The following FREM3 variants were observed in gnomAD, a reference collection of about 807,000 sequenced individuals.
FREM3 encodes FRAS1 related extracellular matrix 3.
Under a neutral mutation model 129.1 loss-of-function variants are expected in FREM3, and 105 were observed. The ratio of observed to expected loss-of-function variants is 0.81; its 90% CI spans 0.69 to 0.96. FREM3 has a LOEUF of 0.96. Ranked by LOEUF, FREM3 falls within the 40% of genes least tolerant of loss-of-function variation. The pLI is 0.00. For missense variants in FREM3, 2,593 were observed against 2,666.3 expected (o/e 0.97, Z 0.61); for synonymous variants, 1,014 against 1,044.9 (o/e 0.97, Z 0.57).
intron 2 of FREM3, among the ~76,000 whole-genome samples, chr4:143,679,478 A>G (rs185717315): frequency 1.3e-3 from 201 of 152,256 alleles, no homozygotes; most frequent in Non-Finnish European, 2.4e-3. Context: ...AATAGAAAAT[A>G]TTTTTCTCAT....
chr4:143,649,089 A>G (rs1192632080), intron 2 of FREM3: 1 of 152,170 alleles, frequency 6.6e-6, no homozygotes, highest in African/African-American at 2.4e-5. Flanking sequence ...CTGAAATTCC[A>G]TGGCTTAAAA....
intron 2 of FREM3, among the ~76,000 whole-genome samples, chr4:143,663,200 A>G (rs1211359711): frequency 6.6e-6 from 1 of 152,046 alleles, no homozygotes; most frequent in African/African-American, 2.4e-5. Flanking sequence ...ACATTTTGGC[A>G]TGATTTTGCA....
At chr4:143,657,851 C>T (rs985471739) in intron 2 of FREM3, among the ~76,000 whole-genome samples, 1 of 152,108 alleles carries the variant, frequency 6.6e-6, no homozygotes, top group Non-Finnish European at 1.5e-5. Flanking sequence ...CCAAGCTAAA[C>T]TCATTATTCT....
chr4:143,621,044 T>G lies in FREM3; in HGVS notation c.5772A>C (p.Thr1924=). 1 of 1,537,400 alleles carries G rather than the reference T, an allele frequency of 6.5e-7. No homozygotes were observed. Among genetic ancestry groups the G allele is most frequent in the South Asian group, 1.2e-5 (1 of 84,060 alleles). Residue 1924 remains threonine, a synonymous_variant, in exon 5 of 8, where the codon ACA becomes ACC. Transcript: ENST00000329798. ...ASQELIVICS[T]RQGSATGTIS... ...CCCCACAGAGCCTCATACCTTGACGTGTGGAGCAAATGACGATTAGTTCCT... is the reference window on the plus strand; with the variant it reads ...CCCCACAGAGCCTCATACCTTGACGGGTGGAGCAAATGACGATTAGTTCCT...
chr4:143,693,343 C>T, intron 1 of FREM3, 141 bp from the exon 2 acceptor site: 1 of 440,736 alleles, frequency 2.3e-6, no homozygotes, highest in Non-Finnish European at 4.0e-6. Flanking sequence ...CATGAATCTT[C>T]TTAAAGCTAC....
intron 2 of FREM3, among the ~76,000 whole-genome samples, chr4:143,642,195 A>G (rs1433208773): frequency 2.6e-5 from 4 of 152,204 alleles, no homozygotes; most frequent in Non-Finnish European, 5.9e-5. Context: ...CTGGATTCTA[A>G]GTATTAGTAT....
rs146138752 is a variant in FREM3, at chr4:143,596,063, G to A, written c.6029-10070C>T. On this transcript the variant is annotated intron_variant, in intron 6 of 7. Coordinates refer to ENST00000329798, the MANE Select transcript of FREM3 (RefSeq NM_001168235.2). ...CACATAAGCATGAAAAAAGCCTACC[G>A]TTTAGGAAGGGATGCAAGAACTTGT... Among the ~76,000 whole-genome samples, 82 of 152,184 alleles carry A rather than the reference G, an allele frequency of 5.4e-4. No individual in the cohort carries two copies. In the East Asian group the frequency reaches 0.014, roughly 25 times the overall value.
chr4:143,677,528 C>T (rs949227803), intron 2 of FREM3, among the ~76,000 whole-genome samples: 1 of 152,104 alleles, frequency 6.6e-6, no homozygotes, highest in African/African-American at 2.4e-5. Flanking sequence ...GCAACAGAAG[C>T]CAAAATTGAC....
At chr4:143,634,814 G>A (rs1560852485) in intron 2 of FREM3, among the ~76,000 whole-genome samples, 2 of 152,042 alleles carry the variant, frequency 1.3e-5, no homozygotes, top group African/African-American at 4.8e-5. Context: ...AGGGGGTGTG[G>A]GATTCTGAAG....
At chr4:143,589,590 A>T (rs1323747959) in intron 6 of FREM3, among the ~76,000 whole-genome samples, 2 of 152,004 alleles carry the variant, frequency 1.3e-5, no homozygotes, top group Admixed American at 6.6e-5. Context: ...CTTCTGTTCC[A>T]TTGGTCTATA....
Position 143,621,101 on chromosome 4 carries a change from C to G in FREM3, c.5715G>C (p.Leu1905Phe), listed in dbSNP as rs1417949601. The stretch of plus-strand genomic sequence containing the variant: ...CATCTCCAGATCGTCTTACTGGAAT[C>G]AAAAGTTCCCCAATGTCCTCTTCTA... ...YKIEEDIGELLIPVRRSGDAS... is the reference protein window; with the variant it reads ...YKIEEDIGELFIPVRRSGDAS... The change falls in exon 5 of 8, where the codon TTG becomes TTC. Residue 1905 changes from leucine (L) to phenylalanine (F), a missense_variant. Coordinates refer to ENST00000329798, the MANE Select transcript of FREM3 (RefSeq NM_001168235.2). 9 of 1,537,062 alleles carry G rather than the reference C, an allele frequency of 5.9e-6. No individual in the cohort carries two copies. In the Middle Eastern group the frequency reaches 5.0e-4, roughly 86 times the overall value.
chr4:143,696,358 C>T lies in FREM3; in HGVS notation c.4318G>A (p.Ala1440Thr), dbSNP rs751182082. ...ISKRITLIEG[A>T]RVTLTNNLLT... The stretch of plus-strand genomic sequence containing the variant: ...AGATTGTTGGTAAGGGTCACTCTGG[C>T]ACCTTCTATCAAGGTGATCCTTTTG... The change falls in exon 1 of 8, where the codon GCC becomes ACC. Residue 1440 changes from alanine to threonine, a missense_variant. Ala to Thr is a moderately conservative substitution (Grantham distance 58). Coordinates refer to ENST00000329798, the MANE Select transcript of FREM3 (RefSeq NM_001168235.2). 5 of 1,537,384 alleles carry T rather than the reference C, an allele frequency of 3.3e-6. No individual in the cohort carries two copies. Among genetic ancestry groups the T allele is most frequent in the Middle Eastern group, 1.7e-4 (1 of 5,988 alleles).
rs1740601278 is a variant in FREM3 at position 143,697,653 on chromosome 4, G to A, written c.3023C>T (p.Thr1008Ile). The A allele has an allele frequency of 6.5e-7, 1 of 1,537,766 alleles. No homozygotes were observed. The highest frequency in any genetic ancestry group is 1.4e-5 in the African/African-American group (1 of 73,058). The change falls in exon 1 of 8, where the codon ACC (threonine) becomes ATC (isoleucine). Residue 1008 changes from threonine to isoleucine, a missense_variant. Thr to Ile is a moderately conservative substitution (Grantham distance 89). Coordinates refer to ENST00000329798, the MANE Select transcript of FREM3 (RefSeq NM_001168235.2). ...LVNGLPTERFTQEDLINGRVA... is the reference protein window; with the variant it reads ...LVNGLPTERFIQEDLINGRVA... The stretch of plus-strand genomic sequence containing the variant: ...TCTCCCATTGATGAGATCCTCTTGG[G>A]TGAATCGTTCTGTGGGCAAACCATT...
chr4:143,652,146 CTTTTTTTTTTTT>C (rs1030414098), intron 2 of FREM3, among the ~76,000 whole-genome samples: 1 of 58,528 alleles, frequency 1.7e-5, no homozygotes, highest in African/African-American at 7.2e-5. Flanking sequence ...TTTTTCCTTT[CTTTTTTTTTTTT>C]TTTTTTTTTT....
intron 7 of FREM3, among the ~76,000 whole-genome samples, chr4:143,581,337 G>T (rs1232306176): frequency 6.6e-6 from 1 of 152,188 alleles, no homozygotes; most frequent in African/African-American, 2.4e-5. Context: ...TGCCCTTACT[G>T]CCCTCAGACT....
At chr4:143,615,325 AAC>A (rs1384306443) in intron 5 of FREM3, among the ~76,000 whole-genome samples, 1 of 152,218 alleles carries the variant, frequency 6.6e-6, no homozygotes. Flanking sequence ...AATTCTTTTA[AAC>A]ACACAATTTT....
chr4:143,667,361 C>T (rs748287047), intron 2 of FREM3, among the ~76,000 whole-genome samples: 38 of 151,944 alleles, frequency 2.5e-4, no homozygotes, highest in Middle Eastern at 6.8e-3. Flanking sequence ...ATAATTTTGC[C>T]AACTGAGAAT....
intron 2 of FREM3, among the ~76,000 whole-genome samples, chr4:143,692,166 T>G (rs1251265045): frequency 6.6e-6 from 1 of 152,184 alleles, no homozygotes; most frequent in Non-Finnish European, 1.5e-5. Context: ...TTTATGATCT[T>G]AGTCAATCCT....
chr4:143,675,715 A>G (rs1176574843), intron 2 of FREM3, among the ~76,000 whole-genome samples: 1 of 152,224 alleles, frequency 6.6e-6, no homozygotes, highest in Non-Finnish European at 1.5e-5. Flanking sequence ...GGATATCACC[A>G]CTGATCCCAC....
Sources: gnomAD v4.1 joint callset for allele counts (sites outside exome capture counted in the v4.1 genomes callset) on GRCh38, gnomAD v4.1.1 for gene constraint, MANE v1.5 for transcripts, NCBI Gene and HGNC (gene_info 2026-07-23, HGNC 2026-07-21) for gene names.